The following PTPRD variants were observed in gnomAD, a reference collection of about 807,000 sequenced individuals.
PTPRD encodes protein tyrosine phosphatase receptor type D.
PTPRD carries 34 observed loss-of-function variants against 214.5 expected under a neutral mutation model. The observed-to-expected ratio is 0.16, with a 90% CI of 0.12 to 0.21. The LOEUF is 0.21. Among genes scored for constraint, PTPRD ranks in the 10% least tolerant of loss-of-function variants. PTPRD has a pLI of 1.00. For missense variants in PTPRD, 2,545 were observed against 2,398.7 expected (o/e 1.06, Z -1.27); for synonymous variants, 1,128 against 845.7 (o/e 1.33, Z -5.79).
chr9:8,526,540 C>A, intron 17 of PTPRD, 87 bp downstream of exon 17: 2 of 1,200,410 alleles, frequency 1.7e-6, no homozygotes, highest in South Asian at 2.0e-5. Flanking sequence ...ATTGGAATGA[C>A]GCTGAAAACA....
At chr9:8,358,448 A>G (rs1172798461) in intron 39 of PTPRD, among the ~76,000 whole-genome samples, 2 of 152,202 alleles carry the variant, frequency 1.3e-5, no homozygotes, top group African/African-American at 4.8e-5. Flanking sequence ...CTGGCAAACA[A>G]AAATTTTATG....
At chr9:10,404,038 A>G (rs1315174148) in intron 2 of PTPRD, among the ~76,000 whole-genome samples, 3 of 151,706 alleles carry the variant, frequency 2.0e-5, no homozygotes, top group Non-Finnish European at 4.4e-5. Flanking sequence ...TGACAAATCC[A>G]CCACTCTGGT....
intron 4 of PTPRD, among the ~76,000 whole-genome samples, chr9:9,993,035 T>C (rs1406966976): frequency 1.3e-5 from 2 of 152,254 alleles, no homozygotes; most frequent in East Asian, 3.9e-4. Context: ...CATAAATAGT[T>C]GTTGGTTAAA....
intron 14 of PTPRD, among the ~76,000 whole-genome samples, chr9:8,539,940 A>C (rs2140154333): frequency 6.6e-6 from 1 of 152,194 alleles, no homozygotes; most frequent in East Asian, 1.9e-4. Context: ...CGGATCTAAG[A>C]ATTAGATGGT....
At chr9:9,011,946 T>G (rs1380181446) in intron 11 of PTPRD, among the ~76,000 whole-genome samples, 1 of 152,144 alleles carries the variant, frequency 6.6e-6, no homozygotes, top group African/African-American at 2.4e-5. Flanking sequence ...CAATAGAACT[T>G]GGTAAAGATG....
intron 12 of PTPRD, among the ~76,000 whole-genome samples, chr9:8,675,881 T>C (rs1219695186): frequency 2.0e-5 from 3 of 152,146 alleles, no homozygotes; most frequent in African/African-American, 4.8e-5. Flanking sequence ...TCAGAGTATG[T>C]TTTCTAAAGA....
intron 8 of PTPRD, among the ~76,000 whole-genome samples, chr9:9,538,674 TA>T (rs1039821508): frequency 1.1e-4 from 16 of 152,032 alleles, no homozygotes; most frequent in African/African-American, 3.9e-4. Flanking sequence ...CAGACAGGAA[TA>T]AAAATATTGA....
intron 9 of PTPRD, among the ~76,000 whole-genome samples, chr9:9,395,102 C>T (rs976575345): frequency 1.3e-5 from 2 of 151,840 alleles, no homozygotes; most frequent in Non-Finnish European, 2.9e-5. Context: ...TCTCCTCTCT[C>T]CTTTCTTCCT....
intron 2 of PTPRD, among the ~76,000 whole-genome samples, chr9:10,411,060 G>A (rs1231410830): frequency 1.3e-5 from 2 of 151,680 alleles, no homozygotes; most frequent in Non-Finnish European, 2.9e-5. Context: ...ATCAGCAAAT[G>A]TTTGCCTGTT....
intron 9 of PTPRD, among the ~76,000 whole-genome samples, chr9:9,212,469 T>G (rs1291534166): frequency 6.6e-6 from 1 of 152,190 alleles, no homozygotes; most frequent in African/African-American, 2.4e-5. Flanking sequence ...CTTGTGATTT[T>G]AACGCTATTA....
At chr9:9,772,348 G>C (rs2098758625) in intron 5 of PTPRD, among the ~76,000 whole-genome samples, 1 of 152,168 alleles carries the variant, frequency 6.6e-6, no homozygotes, top group Non-Finnish European at 1.5e-5. Context: ...AAGCTACCCA[G>C]GGTGTGGTAC....
intron 2 of PTPRD, among the ~76,000 whole-genome samples, chr9:10,367,955 A>G (rs1193217532): frequency 6.6e-6 from 1 of 152,148 alleles, no homozygotes; most frequent in Non-Finnish European, 1.5e-5. Flanking sequence ...TTGGTGATCA[A>G]TGAGTAACAG....
At chr9:9,789,234 G>C (rs750414265) in intron 5 of PTPRD, among the ~76,000 whole-genome samples, 8 of 152,122 alleles carry the variant, frequency 5.3e-5, no homozygotes, top group African/African-American at 1.2e-4. Flanking sequence ...CTTTGGTGGA[G>C]AAAGCATTAA....
At chr9:9,603,559 C>T (rs1384792367) in intron 7 of PTPRD, among the ~76,000 whole-genome samples, 1 of 152,074 alleles carries the variant, frequency 6.6e-6, no homozygotes, top group Non-Finnish European at 1.5e-5. Flanking sequence ...ACCACCTGAG[C>T]TCCACCTCCT....
intron 3 of PTPRD, among the ~76,000 whole-genome samples, chr9:10,173,765 T>C (rs1168341686): frequency 6.6e-6 from 1 of 151,840 alleles, no homozygotes; most frequent in Non-Finnish European, 1.5e-5. Flanking sequence ...TAAACGCCTT[T>C]GTGTCTGATG....
At chr9:8,747,255 A>C (rs1163386360) in intron 11 of PTPRD, among the ~76,000 whole-genome samples, 2 of 152,172 alleles carry the variant, frequency 1.3e-5, no homozygotes. Flanking sequence ...TACTTCACTA[A>C]TAGCCCTCAC....
At chr9:9,434,587 C>T (rs182661637) in intron 8 of PTPRD, among the ~76,000 whole-genome samples, 30 of 152,102 alleles carry the variant, frequency 2.0e-4, no homozygotes, top group Non-Finnish European at 2.8e-4. Flanking sequence ...GCAAAAAGAA[C>T]AAAGTTGGAG....
chr9:8,513,165 A>T (rs2097715281), intron 21 of PTPRD, among the ~76,000 whole-genome samples: 1 of 152,074 alleles, frequency 6.6e-6, no homozygotes, highest in Non-Finnish European at 1.5e-5. Context: ...CATATTTCAG[A>T]AAATAATCAT....
At chr9:10,544,976 A>C (rs375789771) in intron 2 of PTPRD, among the ~76,000 whole-genome samples, 2 of 152,216 alleles carry the variant, frequency 1.3e-5, no homozygotes, top group African/African-American at 4.8e-5. Flanking sequence ...GGTTCAGGAA[A>C]TGGTCGCATC....
Sources: allele counts gnomAD v4.1 joint callset (sites outside exome capture counted in the v4.1 genomes callset), GRCh38; gene constraint gnomAD v4.1.1; transcripts MANE v1.5; gene names NCBI Gene and HGNC (gene_info 2026-07-23, HGNC 2026-07-21).